Variants in GRID1 observed in about 807,000 individuals in gnomAD.
GRID1 encodes the protein glutamate receptor ionotropic, delta-1.
GRID1 carries 28 observed loss-of-function variants against 98.0 expected under a neutral mutation model. That is an observed-to-expected ratio of 0.29 (90% CI 0.21 to 0.39). The LOEUF is 0.39. GRID1 is among the 10% of genes least tolerant of loss of function. The probability of loss-of-function intolerance (pLI) is 1.00; values close to 1 mark genes in which losing one functional copy is unlikely to be tolerated. For missense variants in GRID1, 1,111 were observed against 1,340.5 expected (o/e 0.83, Z 2.67); for synonymous variants, 553 against 538.5 (o/e 1.03, Z -0.37).
intron 8 of GRID1, among the ~76,000 whole-genome samples, chr10:85,749,758 A>G (rs999722779): frequency 2.6e-5 from 4 of 152,144 alleles, no homozygotes; most frequent in Admixed American, 2.0e-4. Flanking sequence ...GCCTTTGTAC[A>G]TGCTCTCCTT....
At chr10:86,265,902 G>A (rs1847096078) in intron 2 of GRID1, among the ~76,000 whole-genome samples, 1 of 152,080 alleles carries the variant, frequency 6.6e-6, no homozygotes, top group Non-Finnish European at 1.5e-5. Flanking sequence ...CAGCAGCCCA[G>A]CCTCCCATAC....
At chr10:86,161,876 A>T (rs541874538) in intron 3 of GRID1, among the ~76,000 whole-genome samples, 1 of 152,332 alleles carries the variant, frequency 6.6e-6, no homozygotes, top group Admixed American at 6.5e-5. Flanking sequence ...TCAAACAAAA[A>T]TTACATCCAG....
intron 8 of GRID1, among the ~76,000 whole-genome samples, chr10:85,778,144 A>G (rs1033368218): frequency 6.6e-6 from 1 of 152,202 alleles, no homozygotes; most frequent in Non-Finnish European, 1.5e-5. Context: ...GGTTCTGAGG[A>G]GCACACACAG....
intron 8 of GRID1, among the ~76,000 whole-genome samples, chr10:85,784,663 C>T (rs1464865578): frequency 2.0e-5 from 3 of 152,172 alleles, no homozygotes; most frequent in Non-Finnish European, 4.4e-5. Flanking sequence ...TGTCTAAGCT[C>T]CTGAGTCACA....
At chr10:86,062,166 C>T (rs953351585) in intron 4 of GRID1, among the ~76,000 whole-genome samples, 1 of 152,168 alleles carries the variant, frequency 6.6e-6, no homozygotes, top group Non-Finnish European at 1.5e-5. Flanking sequence ...TGCATCTTAC[C>T]CCCGGCACCT....
intron 4 of GRID1, among the ~76,000 whole-genome samples, chr10:85,979,500 G>GC (rs976799147): frequency 1.3e-5 from 2 of 152,164 alleles, no homozygotes; most frequent in African/African-American, 2.4e-5. Flanking sequence ...TCGCTTCCAA[G>GC]CCCCCCTTCC....
chr10:86,188,493 C>G (rs1338760227), intron 3 of GRID1, among the ~76,000 whole-genome samples: 1 of 152,198 alleles, frequency 6.6e-6, no homozygotes, highest in Non-Finnish European at 1.5e-5. Context: ...GCTGTCTAAG[C>G]CTAGAAACAG....
chr10:86,326,295 G>T (rs1347077462), intron 2 of GRID1, among the ~76,000 whole-genome samples: 1 of 152,200 alleles, frequency 6.6e-6, no homozygotes, highest in Admixed American at 6.5e-5. Context: ...TTATGAAGAT[G>T]GGAGCTCCTG....
At chr10:85,731,629 T>C (rs1488006655) in intron 8 of GRID1, among the ~76,000 whole-genome samples, 2 of 151,766 alleles carry the variant, frequency 1.3e-5, no homozygotes, top group Non-Finnish European at 2.9e-5. Flanking sequence ...GGTGAAATAC[T>C]GCCTCTATAA....
chr10:86,358,605 AAAATTAGCCGGGC>A (rs906338602), intron 2 of GRID1, among the ~76,000 whole-genome samples: 4 of 151,856 alleles, frequency 2.6e-5, no homozygotes, highest in African/African-American at 9.7e-5. Context: ...AAAAATACAA[AAAATTAGCCGGGC>A]ATGGTGGCGG....
intron 8 of GRID1, among the ~76,000 whole-genome samples, chr10:85,785,171 T>A (rs1842416882): frequency 6.6e-6 from 1 of 152,154 alleles, no homozygotes; most frequent in South Asian, 2.1e-4. Context: ...TTTACACGAA[T>A]GAGAAATAAA....
chr10:86,364,168 A>G (rs1306114105), intron 1 of GRID1, 72 bp from the exon 2 acceptor site: 3 of 1,322,920 alleles, frequency 2.3e-6, no homozygotes, highest in Non-Finnish European at 3.2e-6. Flanking sequence ...CCCGAGGGTC[A>G]AGGCACTCGC....
intron 12 of GRID1, among the ~76,000 whole-genome samples, chr10:85,665,667 A>G (rs1841011394): frequency 6.6e-6 from 1 of 152,214 alleles, no homozygotes; most frequent in African/African-American, 2.4e-5. Flanking sequence ...GCCAAAAATA[A>G]AGGAGTATTG....
intron 4 of GRID1, among the ~76,000 whole-genome samples, chr10:85,981,943 G>A (rs1209502742): frequency 6.6e-6 from 1 of 152,224 alleles, no homozygotes; most frequent in Non-Finnish European, 1.5e-5. Flanking sequence ...CCTCTGTGAT[G>A]AGGCAGCATT....
intron 8 of GRID1, among the ~76,000 whole-genome samples, chr10:85,778,740 C>G (rs1301220121): frequency 2.6e-5 from 4 of 152,188 alleles, no homozygotes; most frequent in Non-Finnish European, 5.9e-5. Flanking sequence ...TACAAAAAGC[C>G]TTCAAAGCTT....
intron 2 of GRID1, among the ~76,000 whole-genome samples, chr10:86,347,103 C>G (rs1848395634): frequency 7.8e-6 from 1 of 128,212 alleles, no homozygotes; most frequent in East Asian, 2.8e-4. Context: ...CATGGACATA[C>G]CACAGAGCTC....
intron 3 of GRID1, among the ~76,000 whole-genome samples, chr10:86,149,408 T>C (rs1359336985): frequency 6.6e-6 from 1 of 152,216 alleles, no homozygotes; most frequent in East Asian, 1.9e-4. Context: ...GTTCACATGG[T>C]GTGTTCACAC....
chr10:85,855,732 G>A (rs1432962232), intron 7 of GRID1, among the ~76,000 whole-genome samples: 2 of 152,178 alleles, frequency 1.3e-5, no homozygotes, highest in African/African-American at 2.4e-5. Flanking sequence ...TTGCAGACAC[G>A]GGATAGGCAG....
chr10:86,278,369 T>C (rs1214716869), intron 2 of GRID1, among the ~76,000 whole-genome samples: 2 of 152,120 alleles, frequency 1.3e-5, no homozygotes, highest in East Asian at 1.9e-4. Context: ...CTTTAAGAAT[T>C]TGTCTTAAGA....
Sources: gnomAD v4.1 joint callset for allele counts (sites outside exome capture counted in the v4.1 genomes callset) on GRCh38, gnomAD v4.1.1 for gene constraint, MANE v1.5 for transcripts, NCBI Gene and HGNC (gene_info 2026-07-23, HGNC 2026-07-21) for gene names.